ORC3: variants seen among roughly 807,000 people sequenced by gnomAD.
The protein encoded by ORC3 is origin recognition complex subunit 3.
Under a neutral mutation model 100.7 loss-of-function variants are expected in ORC3, and 78 were observed. That is an observed-to-expected ratio of 0.77 (90% confidence interval 0.65 to 0.94). The LOEUF (loss-of-function observed/expected upper bound fraction) is 0.94, where lower values mean the gene tolerates loss of function less well. ORC3 is among the 40% of genes least tolerant of loss of function. The pLI is 0.00. For synonymous variants in ORC3, 295 were observed against 289.3 expected, an observed-to-expected ratio of 1.02 and a Z score of -0.20; for missense variants, 789 against 823.9, an observed-to-expected ratio of 0.96 and a Z score of 0.52.
intron 9 of ORC3, among the ~76,000 whole-genome samples, chr6:87,619,822 A>G (rs1476677042): frequency 6.6e-6 from 1 of 151,970 alleles, no homozygotes; most frequent in Non-Finnish European, 1.5e-5. Flanking sequence ...TTTAGACCTC[A>G]TTTCCCCAGT....
Position 87,653,145 on chromosome 6 carries a change from T to G in ORC3, c.1412T>G (p.Ile471Arg). ...RMLAKDELMT[I>R]LEKCFKVFKS... ...TTGGCAAAGGATGAACTGATGACCA[T>G]ACTTGAGAAATGTTTCAAGGTTTTT... is the stretch of plus-strand genomic sequence containing the variant. The change falls in exon 14 of 20, where the codon ATA becomes AGA. Residue 471 changes from isoleucine (I) to arginine (R), a missense_variant. By Grantham distance (97) the Ile-to-Arg change is moderately conservative (BLOSUM62 -3). Around this residue, in one of 3 missense-constraint regions of ORC3, gnomAD observed 366 missense variants for 394.2 expected, o/e 0.93. Transcript: ENST00000392844. 1 of 1,613,586 alleles carries G rather than the reference T, an allele frequency of 6.2e-7. No homozygotes were observed. Among genetic ancestry groups the G allele is most frequent in the Non-Finnish European group, 8.5e-7 (1 of 1,179,510 alleles).
chr6:87,676,184 A>G, the ORC3 span, among the ~76,000 whole-genome samples: 6 of 151,904 alleles, frequency 3.9e-5, no homozygotes, highest in Admixed American at 2.6e-4. Context: ...AAAGGCTGGG[A>G]CCGGGTGCGG....
chr6:87,602,687 GT>G (rs1777997835), intron 3 of ORC3, among the ~76,000 whole-genome samples: 1 of 151,634 alleles, frequency 6.6e-6, no homozygotes, highest in African/African-American at 2.4e-5. Flanking sequence ...AATCTGGATT[GT>G]TATATCCTCC....
chr6:87,598,459 C>T (rs1182071696), intron 2 of ORC3, among the ~76,000 whole-genome samples: 1 of 152,146 alleles, frequency 6.6e-6, no homozygotes, highest in East Asian at 1.9e-4. Context: ...GGATTTGAAC[C>T]CAACCTGTCT....
intron 16 of ORC3, among the ~76,000 whole-genome samples, chr6:87,659,574 T>C (rs1228670089): frequency 6.6e-6 from 1 of 151,872 alleles, no homozygotes; most frequent in Non-Finnish European, 1.5e-5. Flanking sequence ...GCTAATGCCA[T>C]GAAAAGGTCC....
chr6:87,675,431 A>G, the ORC3 span: 1 of 885,574 alleles, frequency 1.1e-6, no homozygotes, highest in Non-Finnish European at 1.8e-6. Flanking sequence ...ACATCAGGGA[A>G]ATTTCCAAAA....
At chr6:87,624,756 C>CG (rs1423925903) in intron 11 of ORC3, among the ~76,000 whole-genome samples, 2 of 152,148 alleles carry the variant, frequency 1.3e-5, no homozygotes, top group East Asian at 3.9e-4. Context: ...AGGTTTGTTA[C>CG]GTGGGTATAT....
intron 9 of ORC3, among the ~76,000 whole-genome samples, chr6:87,618,213 A>C (rs1779295211): frequency 6.6e-6 from 1 of 152,200 alleles, no homozygotes; most frequent in Admixed American, 6.5e-5. Context: ...GTTCGAGGCC[A>C]GCCTGGCCAA....
the ORC3 span, among the ~76,000 whole-genome samples, chr6:87,674,302 C>CAAAAAA: frequency 1.5e-4 from 13 of 87,126 alleles, no homozygotes; most frequent in African/African-American, 3.9e-4. Context: ...AACTCTATCT[C>CAAAAAA]AAAAAAAAAA....
chr6:87,601,786 G>A lies in ORC3; in HGVS notation c.82G>A (p.Asp28Asn). The A allele has an allele frequency of 2.6e-6, 4 of 1,566,830 alleles. No homozygotes were observed. The highest frequency in any genetic ancestry group is 3.5e-6 in the Non-Finnish European group (4 of 1,137,638). ...KKRKISLPIE[D>N]YFNKGKNEPE... ...GACTTATTTCTTTCTGTTTTTAGAG[G>A]ACTATTTTAACAAAGGGAAAAATGA... is the stretch of plus-strand genomic sequence containing the variant. The change falls in exon 3 of 20, where the codon GAC (aspartate) becomes AAC (asparagine). Residue 28 changes from aspartate (D) to asparagine (N), a missense_variant and splice_region_variant. Asp to Asn is a conservative substitution (Grantham distance 23, BLOSUM62 1). Around this residue, in one of 3 missense-constraint regions of ORC3, gnomAD observed 399 missense variants for 382.0 expected, o/e 1.04. Coordinates refer to ENST00000392844, the MANE Select transcript of ORC3 (RefSeq NM_012381.4).
At chr6:87,621,924 T>C in intron 10 of ORC3, 26 bp from the exon 11 acceptor site, 2 of 1,535,556 alleles carry the variant, frequency 1.3e-6, no homozygotes, top group Non-Finnish European at 1.8e-6. Flanking sequence ...TTTCTCTTTT[T>C]ATGTATGGAA....
At chr6:87,668,721 G>A (rs987959004), downstream of ORC3, among the ~76,000 whole-genome samples, 3 of 152,280 alleles carry the variant, frequency 2.0e-5, no homozygotes, top group South Asian at 2.1e-4. Context: ...AGCAGCTCGC[G>A]CCTGTAATCC....
chr6:87,672,449 G>A (rs1175906085), downstream of ORC3, among the ~76,000 whole-genome samples: 2 of 152,196 alleles, frequency 1.3e-5, no homozygotes, highest in Non-Finnish European at 2.9e-5. Context: ...TGCATCTCGT[G>A]CTCCTTACCT....
chr6:87,667,152 A>C lies in ORC3; in HGVS notation c.*29A>C, dbSNP rs770608899. On this transcript the variant is annotated 3_prime_UTR_variant, in exon 20 of 20. Transcript: ENST00000392844. Reference sequence around the variant, plus strand: ...GCAAATAAGCAAAGCCAGAACTATCACATTTAGCTTAAGAGAAAAAGGTGA... The same window carrying C: ...GCAAATAAGCAAAGCCAGAACTATCCCATTTAGCTTAAGAGAAAAAGGTGA... 2.3e-6 allele frequency: 3 copies of C among 1,318,332 alleles called. No individual in the cohort carries two copies. The highest frequency in any genetic ancestry group is 3.2e-6 in the Non-Finnish European group (3 of 927,168). 81.7% of individuals were successfully genotyped at this position (1,318,332 alleles called of 1,614,324 possible). A position where few individuals can be genotyped will look rare whatever the true frequency, so the allele number is the denominator to read the frequency against.
chr6:87,612,556 A>T (rs184474147), intron 8 of ORC3, among the ~76,000 whole-genome samples: 57 of 152,278 alleles, frequency 3.7e-4, no homozygotes, highest in Admixed American at 2.6e-3. Flanking sequence ...GTAAATTTTT[A>T]CAGAATTTGT....
At chr6:87,676,419 A>T in the ORC3 span, among the ~76,000 whole-genome samples, 39,618 of 127,672 alleles carry the variant, frequency 0.31, 7,055 homozygotes, top group African/African-American at 0.53. Context: ...TGAGCCAAGA[A>T]CGCGCCACTG....
intron 14 of ORC3, among the ~76,000 whole-genome samples, chr6:87,654,240 C>T (rs1215354108): frequency 6.6e-6 from 1 of 152,192 alleles, no homozygotes; most frequent in Non-Finnish European, 1.5e-5. Context: ...CTTCCCATAT[C>T]TCTCCATAGC....
intron 19 of ORC3, among the ~76,000 whole-genome samples, chr6:87,666,241 C>T (rs932554582): frequency 3.3e-5 from 5 of 152,082 alleles, no homozygotes; most frequent in African/African-American, 4.8e-5. Context: ...AAGCAATTCT[C>T]CTGCCTCAGC....
rs1003967073 is a variant in ORC3 at position 87,594,816 on chromosome 6, G to A, written c.79+409G>A. On this transcript the variant is annotated intron_variant, in intron 2 of 19. Coordinates refer to ENST00000392844, the MANE Select transcript of ORC3 (RefSeq NM_012381.4). ...GCAACCCAGATTTCTAATGATGGGG[G>A]AAATGTTATTTAGAAAATAAAATGA... Among the ~76,000 whole-genome samples, 4 of 152,142 alleles carry A rather than the reference G, an allele frequency of 2.6e-5. No individual in the cohort carries two copies. The East Asian group carries it at 7.7e-4, about 29-fold the overall frequency.
Sources: gnomAD v4.1 joint callset for allele counts (sites outside exome capture counted in the v4.1 genomes callset) on GRCh38, gnomAD v4.1.1 for gene constraint, gnomAD v4.1.1 regional missense constraint, MANE v1.5 for transcripts, NCBI Gene and HGNC (gene_info 2026-07-23, HGNC 2026-07-21) for gene names.